The following SPEF2 variants were observed in gnomAD, a reference collection of about 807,000 sequenced individuals.
SPEF2 encodes the protein sperm flagella and cilia-associated protein 2.
A neutral mutation model predicts 224.6 loss-of-function variants in SPEF2; 187 were observed. The ratio of observed to expected loss-of-function variants is 0.83; its 90% confidence interval spans 0.74 to 0.94. The LOEUF is 0.94. Among genes scored for constraint, SPEF2 ranks in the 40% least tolerant of loss-of-function variants. SPEF2 has a pLI of 0.00. For synonymous variants in SPEF2, 715 were observed against 707.3 expected (o/e 1.01, Z -0.17); for missense variants, 2,170 against 2,135.6 (o/e 1.02, Z -0.32).
In SPEF2 at chr5:35,647,784, C is replaced by A. The variant is rs532953500; in HGVS notation, c.726+977C>A. ...TGCCACACTATTTTTCTATGAATCC[C>A]AGGAATGTTAAGTGACTTGTTGCTA... On this transcript the variant is annotated intron_variant, in intron 5 of 36. Transcript: ENST00000356031. Among the ~76,000 whole-genome samples, 4 of 152,204 alleles carry A rather than the reference C, an allele frequency of 2.6e-5. No individual in the cohort carries two copies. The South Asian group carries it at 8.3e-4, about 32-fold the overall frequency.
Position 35,704,255 on chromosome 5 carries a change from G to A in SPEF2, c.2399-299G>A, listed in dbSNP as rs529538850. On this transcript the variant is annotated intron_variant, in intron 16 of 36. Coordinates refer to ENST00000356031, the MANE Select transcript of SPEF2 (RefSeq NM_024867.4). ...TGTTAATTTTTCCTATTCTTTTCAA[G>A]TTAGTTATTCATGATGACCCATCAT... Among the ~76,000 whole-genome samples, 49 of 151,916 alleles carry A rather than the reference G, an allele frequency of 3.2e-4. No individual in the cohort carries two copies. In the South Asian group the frequency reaches 0.01, roughly 32 times the overall value.
intron 10 of SPEF2, among the ~76,000 whole-genome samples, chr5:35,674,699 C>T (rs2149489361): frequency 6.6e-6 from 1 of 152,044 alleles, no homozygotes; most frequent in South Asian, 2.1e-4. Context: ...CATGGGAGCC[C>T]CTCCCTCATG....
intron 10 of SPEF2, among the ~76,000 whole-genome samples, chr5:35,687,135 A>G (rs565333079): frequency 2.6e-5 from 4 of 152,208 alleles, no homozygotes; most frequent in Middle Eastern, 6.8e-3. Flanking sequence ...TTCTGGTGTC[A>G]ATTTATTTTT....
Position 35,769,989 on chromosome 5 carries a change from A to ATATCTCTG in SPEF2, c.3802-1619_3802-1618insATCTCTGT, listed in dbSNP as rs1554053681. ...ACCCTGTGTTGCTACTGCCTCCATA[A>ATATCTCTG]TGTGTGTGTGTGTGTGTGTGTGTGT... On this transcript the variant is annotated intron_variant, in intron 26 of 36. Transcript: ENST00000356031. Among the ~76,000 whole-genome samples the ATATCTCTG allele has an allele frequency of 1.7e-4, 24 of 142,358 alleles. No homozygotes were observed. The South Asian group carries it at 5.4e-3, about 32-fold the overall frequency. 93.4% of individuals were successfully genotyped at this position (142,358 alleles called of 152,430 possible). A position where few individuals can be genotyped will look rare whatever the true frequency, so the allele number is the denominator to read the frequency against.
chr5:35,804,761 AAAGT>A (rs1194063814), intron 34 of SPEF2, among the ~76,000 whole-genome samples: 4 of 152,222 alleles, frequency 2.6e-5, no homozygotes, highest in Non-Finnish European at 5.9e-5. Flanking sequence ...AGGCCTTTGG[AAAGT>A]AAGTTTCTCC....
Position 35,628,580 on chromosome 5 carries a change from T to G in SPEF2, c.161+18T>G. The G allele has an allele frequency of 6.5e-7, 1 of 1,529,778 alleles. No individual in the cohort carries two copies. Among genetic ancestry groups the G allele is most frequent in the Non-Finnish European group, 9.1e-7 (1 of 1,104,540 alleles). The allele number at this position is 1,529,778 out of a possible 1,614,324, so 94.8% of individuals were successfully genotyped here. A position where few individuals can be genotyped will look rare whatever the true frequency, so the allele number is the denominator to read the frequency against. Reference sequence around the variant, plus strand: ...GACAGCAGGTTAGTGAGATTATTCCTTTTTGTTGTTGTTGTTGTTTATTTG... The same window carrying G: ...GACAGCAGGTTAGTGAGATTATTCCGTTTTGTTGTTGTTGTTGTTTATTTG... On this transcript the variant is annotated intron_variant, in intron 2 of 36. Transcript: ENST00000356031.
rs1425749689 is a variant in SPEF2, at chr5:35,654,709, G to A, written c.961G>A (p.Ala321Thr). 1 of 1,606,188 alleles carries A rather than the reference G, an allele frequency of 6.2e-7. No individual in the cohort carries two copies. Among genetic ancestry groups the A allele is most frequent in the Non-Finnish European group, 8.5e-7 (1 of 1,178,308 alleles). Residue 321 changes from alanine to threonine, a missense_variant, in exon 7 of 37, where the codon GCC (alanine) becomes ACC (threonine). Ala to Thr is a moderately conservative substitution (Grantham distance 58). Coordinates refer to ENST00000356031, the MANE Select transcript of SPEF2 (RefSeq NM_024867.4). ...RRKLLMDQLI[A>T]HEAQEEAYRE... ...GAAATTGTTAATGGACCAGTTAATA[G>A]CCCACGAAGCACAAGAGGTAAGATA...
intron 10 of SPEF2, among the ~76,000 whole-genome samples, chr5:35,680,899 T>A (rs1752702015): frequency 6.6e-6 from 1 of 152,312 alleles, no homozygotes; most frequent in African/African-American, 2.4e-5. Flanking sequence ...GCATCCAGAC[T>A]TTTTCAATAA....
At chr5:35,784,129 A>T (rs899701795) in intron 30 of SPEF2, among the ~76,000 whole-genome samples, 1 of 142,070 alleles carries the variant, frequency 7.0e-6, no homozygotes, top group Non-Finnish European at 1.6e-5. Flanking sequence ...AGACCGATAG[A>T]TTTTTTTTTT....
chr5:35,639,455 C>CT (rs1200931260), intron 2 of SPEF2, among the ~76,000 whole-genome samples: 1 of 152,086 alleles, frequency 6.6e-6, no homozygotes, highest in Non-Finnish European at 1.5e-5. Flanking sequence ...TTTTAGGCAA[C>CT]TGGTGCCAGG....
chr5:35,659,071 A>G lies in SPEF2; in HGVS notation c.1031A>G (p.Gln344Arg). ...LINRLMRQSQ[Q>R]ERRIAVQLMH... The stretch of plus-strand genomic sequence containing the variant: ...AACCGGCTGATGCGGCAGTCCCAGC[A>G]GGAGCGCAGGATTGCCGTGCAGCTC... Residue 344 changes from glutamine to arginine, a missense_variant, in exon 8 of 37, where the codon CAG becomes CGG. Physicochemically the swap from Gln to Arg is conservative, Grantham distance 43 (BLOSUM62 1). Coordinates refer to ENST00000356031, the MANE Select transcript of SPEF2 (RefSeq NM_024867.4). 3.1e-6 allele frequency: 5 copies of G among 1,608,722 alleles called. No homozygotes were observed. Among genetic ancestry groups the G allele is most frequent in the South Asian group, 2.2e-5 (2 of 90,468 alleles).
At chr5:35,699,895 G>A (rs1738247236) in intron 15 of SPEF2, 1 of 153,382 alleles carries the variant, frequency 6.5e-6, no homozygotes, top group African/African-American at 2.4e-5. Context: ...TGGTTTGACT[G>A]TGTCCCCATC....
At chr5:35,618,169 G>C in intron 1 of SPEF2, 114 bp downstream of exon 1, 2 of 1,133,676 alleles carry the variant, frequency 1.8e-6, no homozygotes, top group Non-Finnish European at 2.6e-6. Context: ...TGCACAGGTG[G>C]GGCACCTGCG....
intron 34 of SPEF2, among the ~76,000 whole-genome samples, chr5:35,806,008 C>A (rs1494574): frequency 0.51 from 77,284 of 151,980 alleles, 22,178 homozygotes; most frequent in African/African-American, 0.79. Flanking sequence ...CATATACAAA[C>A]GTATTTGGGC....
At chr5:35,724,226 T>A (rs1004533627) in intron 20 of SPEF2, among the ~76,000 whole-genome samples, 1 of 152,178 alleles carries the variant, frequency 6.6e-6, no homozygotes, top group Non-Finnish European at 1.5e-5. Flanking sequence ...GAGAATATTA[T>A]CTACCCTCCC....
chr5:35,636,782 C>T (rs1745885482), intron 2 of SPEF2, among the ~76,000 whole-genome samples: 2 of 151,968 alleles, frequency 1.3e-5, no homozygotes, highest in South Asian at 4.2e-4. Context: ...TGAGATGAGC[C>T]TGGCCAACAT....
At chr5:35,732,587 A>G (rs552173907) in intron 21 of SPEF2, among the ~76,000 whole-genome samples, 1 of 152,330 alleles carries the variant, frequency 6.6e-6, no homozygotes, top group East Asian at 1.9e-4. Context: ...GGAGCCATAC[A>G]GTCTCCAAAA....
chr5:35,691,110 G>A lies in SPEF2; in HGVS notation c.1598G>A (p.Gly533Asp), dbSNP rs1754402744. The A allele has an allele frequency of 1.2e-6, 2 of 1,613,946 alleles. No homozygotes were observed. ...CCACCCTCCAACAATTGCATACTGG[G>A]CCATATTCTTCACAGGCTAGCTGAA... Reference protein sequence around the residue: ...NLPPSNNCILGHILHRLAEKS... With the variant: ...NLPPSNNCILDHILHRLAEKS... Residue 533 changes from glycine to aspartate, a missense_variant, in exon 11 of 37, where the codon GGC becomes GAC. Gly to Asp is a moderately conservative substitution (Grantham distance 94). Coordinates refer to ENST00000356031, the MANE Select transcript of SPEF2 (RefSeq NM_024867.4).
intron 8 of SPEF2, among the ~76,000 whole-genome samples, chr5:35,666,685 G>A (rs1197118676): frequency 6.6e-6 from 1 of 152,142 alleles, no homozygotes; most frequent in Admixed American, 6.6e-5. Flanking sequence ...CTTTGGAGGT[G>A]GGAGGGAGGG....
Sources: allele counts gnomAD v4.1 joint callset (sites outside exome capture counted in the v4.1 genomes callset), GRCh38; gene constraint gnomAD v4.1.1; transcripts MANE v1.5; gene names NCBI Gene and HGNC (gene_info 2026-07-23, HGNC 2026-07-21).